TENM2: variants seen among roughly 807,000 people sequenced by gnomAD.
TENM2 encodes teneurin transmembrane protein 2, also known as teneurin-2.
In TENM2, 52 loss-of-function variants were observed where a neutral mutation model predicts 245.2. The observed-to-expected ratio is 0.21, with a 90% confidence interval of 0.17 to 0.27. The LOEUF is 0.27. TENM2 is among the 10% of genes least tolerant of loss of function. The pLI is 1.00. For missense variants in TENM2, 3,046 were observed against 3,666.8 expected, an observed-to-expected ratio of 0.83 and a Z score of 4.37; for synonymous variants, 1,363 against 1,438.9, an observed-to-expected ratio of 0.95 and a Z score of 1.19.
At chr5:168,026,102 T>C (rs1052429210) in intron 5 of TENM2, among the ~76,000 whole-genome samples, 3 of 152,152 alleles carry the variant, frequency 2.0e-5, no homozygotes, top group Non-Finnish European at 4.4e-5. Context: ...GTAATTTCTT[T>C]GCTCTTCTCA....
At chr5:167,695,831 G>A (rs1037522883) in intron 2 of TENM2, among the ~76,000 whole-genome samples, 3 of 151,500 alleles carry the variant, frequency 2.0e-5, no homozygotes, top group East Asian at 1.9e-4. Flanking sequence ...TCAGGAGATC[G>A]AGACCATCCT....
intron 8 of TENM2, among the ~76,000 whole-genome samples, chr5:168,094,398 A>G (rs921292418): frequency 1.1e-4 from 16 of 152,224 alleles, no homozygotes; most frequent in Admixed American, 7.9e-4. Context: ...AAGAATGTCA[A>G]TTTCCACCAA....
intron 12 of TENM2, among the ~76,000 whole-genome samples, chr5:168,140,264 C>A (rs977014048): frequency 6.6e-6 from 1 of 152,192 alleles, no homozygotes; most frequent in Non-Finnish European, 1.5e-5. Context: ...GGCAGGTAGC[C>A]ATTGCCCCCA....
intron 11 of TENM2, 123 bp from the exon 14 acceptor site, chr5:168,126,629 CAA>C (rs1375856587): frequency 4.3e-6 from 3 of 695,876 alleles, no homozygotes; most frequent in Non-Finnish European, 7.3e-6. Context: ...GACAAGCCTC[CAA>C]AGATGACAGA....
chr5:168,258,403 A>G (rs1767872994), intron 27 of TENM2, among the ~76,000 whole-genome samples: 1 of 152,142 alleles, frequency 6.6e-6, no homozygotes, highest in Non-Finnish European at 1.5e-5. Flanking sequence ...CGGGAGGCTG[A>G]GGCAAGGGAA....
intron 1 of TENM2, among the ~76,000 whole-genome samples, chr5:167,299,455 G>A (rs377451324): frequency 5.0e-4 from 76 of 152,278 alleles, no homozygotes; most frequent in African/African-American, 1.8e-3. Context: ...CTGGGTGGGG[G>A]CAAATCCTCG....
intron 2 of TENM2, among the ~76,000 whole-genome samples, chr5:167,500,958 T>G (rs967015121): frequency 6.6e-6 from 1 of 152,128 alleles, no homozygotes; most frequent in African/African-American, 2.4e-5. Context: ...TTAAAATCTT[T>G]AGTAAGATTT....
chr5:168,075,976 C>T (rs974044431), intron 7 of TENM2, among the ~76,000 whole-genome samples: 6 of 152,086 alleles, frequency 3.9e-5, no homozygotes, highest in Admixed American at 6.5e-5. Context: ...TACCTCCCAC[C>T]GTCTCCCTCC....
Position 168,260,265 on chromosome 5 carries a change from T to G in TENM2, c.7433-18T>G. On this transcript the variant is annotated intron_variant, in intron 27 of 28. Transcript: ENST00000518659. ...CCATCATGATTTCAGAAACCTTTAT[T>G]TTTGTTTTCCACCATAGATGTGAAA... 1 of 1,613,498 alleles carries G rather than the reference T, an allele frequency of 6.2e-7. No homozygotes were observed. The highest frequency in any genetic ancestry group is 8.5e-7 in the Non-Finnish European group (1 of 1,179,648).
intron 2 of TENM2, among the ~76,000 whole-genome samples, chr5:167,713,947 A>G (rs1258775246): frequency 6.6e-6 from 1 of 152,196 alleles, no homozygotes; most frequent in Non-Finnish European, 1.5e-5. Context: ...GTCTGGATTT[A>G]TCTTTCCACA....
At chr5:167,692,537 T>C (rs1757499127) in intron 2 of TENM2, among the ~76,000 whole-genome samples, 1 of 152,206 alleles carries the variant, frequency 6.6e-6, no homozygotes, top group African/African-American at 2.4e-5. Flanking sequence ...CAGAACTTTA[T>C]TATCAGCATC....
rs115745909 is a variant in TENM2, at chr5:167,998,955, A to G, written c.1186+5773A>G. Among the ~76,000 whole-genome samples the G allele has an allele frequency of 1.1e-3, 173 of 152,332 alleles. 1 individual carries two copies. The highest frequency in any genetic ancestry group is 3.9e-3 in the African/African-American group (162 of 41,582). ...AAAGTTGCTACACTTGAAAATTGAT[A>G]TGTTGAGACTCACGCTGATGAATCT... On this transcript the variant is annotated intron_variant, in intron 5 of 28. Transcript: ENST00000518659.
the TENM2 span, among the ~76,000 whole-genome samples, chr5:166,995,609 A>G: frequency 1.3e-5 from 2 of 151,894 alleles, no homozygotes; most frequent in Admixed American, 6.6e-5. Flanking sequence ...TGAGGTCAGG[A>G]GTTCAAGACC....
intron 4 of TENM2, among the ~76,000 whole-genome samples, chr5:167,980,057 G>A (rs554165717): frequency 8.5e-5 from 13 of 152,152 alleles, no homozygotes; most frequent in Admixed American, 3.3e-4. Context: ...AAAATTGTTG[G>A]AACACCAAAC....
chr5:167,793,029 GTAAA>G (rs1249741047), intron 2 of TENM2, among the ~76,000 whole-genome samples: 4 of 152,170 alleles, frequency 2.6e-5, no homozygotes, highest in African/African-American at 9.7e-5. Flanking sequence ...AGGACCATTA[GTAAA>G]TTATGAGTTC....
the TENM2 span, among the ~76,000 whole-genome samples, chr5:166,988,224 T>G: frequency 6.6e-6 from 1 of 152,302 alleles, no homozygotes; most frequent in South Asian, 2.1e-4. Flanking sequence ...ATATCTCAAT[T>G]CCAGTAAATC....
At chr5:167,703,530 CAA>C (rs747603141) in intron 2 of TENM2, among the ~76,000 whole-genome samples, 5 of 97,136 alleles carry the variant, frequency 5.1e-5, no homozygotes, top group Non-Finnish European at 1.2e-4. Context: ...GAAACCATCT[CAA>C]AAAAAAAAAA....
chr5:168,212,400 A>G (rs1562286834), intron 20 of TENM2, among the ~76,000 whole-genome samples: 1 of 152,244 alleles, frequency 6.6e-6, no homozygotes, highest in Admixed American at 6.5e-5. Context: ...TAAAACACAC[A>G]TACACGTGCA....
At chr5:167,087,929 A>G in the TENM2 span, among the ~76,000 whole-genome samples, 1 of 151,958 alleles carries the variant, frequency 6.6e-6, no homozygotes, top group Non-Finnish European at 1.5e-5. Context: ...AGCTGGGACT[A>G]CAGGCGTGCG....
Sources: gnomAD v4.1 joint callset for allele counts (sites outside exome capture counted in the v4.1 genomes callset) on GRCh38, gnomAD v4.1.1 for gene constraint, MANE v1.5 for transcripts, NCBI Gene and HGNC (gene_info 2026-07-23, HGNC 2026-07-21) for gene names.